The following ARMC2 variants were observed in gnomAD, a reference collection of about 807,000 sequenced individuals.
The protein encoded by ARMC2 is armadillo repeat containing 2.
ARMC2 carries 67 observed loss-of-function variants against 90.3 expected under a neutral mutation model. The observed-to-expected ratio is 0.74, with a 90% CI of 0.61 to 0.91. The LOEUF (loss-of-function observed/expected upper bound fraction) is 0.91. Among genes scored for constraint, ARMC2 ranks in the 40% least tolerant of loss-of-function variants. ARMC2 has a pLI of 0.00. For synonymous variants in ARMC2, 393 were observed against 393.0 expected (o/e 1.00, Z 0.00); for missense variants, 920 against 1,030.9 (o/e 0.89, Z 1.47).
rs67505412 is a variant in ARMC2 at position 108,918,482 on chromosome 6, ATT to A, written c.1350+5937_1350+5938del. The stretch of plus-strand genomic sequence containing the variant: ...ATTAAAAGATGTTTTGATATACTTG[ATT>A]TTTTTTTTTTTTAAATTTCTGAGCC... On this transcript the variant is annotated intron_variant, in intron 10 of 17. Transcript: ENST00000392644. 8.2e-3 allele frequency among the ~76,000 whole-genome samples: 1,205 copies of A among 146,676 alleles called. 15 individuals are homozygous for A. The highest frequency in any genetic ancestry group is 0.029 in the African/African-American group (1,160 of 40,040).
At chr6:109,010,577 T>C in the ARMC2 span, among the ~76,000 whole-genome samples, 1 of 152,364 alleles carries the variant, frequency 6.6e-6, no homozygotes, top group East Asian at 1.9e-4. Flanking sequence ...CAGTGAAAAC[T>C]AAGTTACTCT....
At chr6:108,985,124 T>C in the ARMC2 span, among the ~76,000 whole-genome samples, 7 of 152,172 alleles carry the variant, frequency 4.6e-5, no homozygotes, top group African/African-American at 1.7e-4. Flanking sequence ...TATTCACATA[T>C]ATGAATATGC....
chr6:108,937,175 T>C (rs1435132427), intron 12 of ARMC2, among the ~76,000 whole-genome samples, 176 bp downstream of exon 12: 1 of 152,196 alleles, frequency 6.6e-6, no homozygotes, highest in East Asian at 1.9e-4. Flanking sequence ...GAAGGAGTTA[T>C]ATGAGTCAGA....
downstream of ARMC2, among the ~76,000 whole-genome samples, chr6:108,977,123 G>T (rs1423545508): frequency 6.6e-6 from 1 of 152,208 alleles, no homozygotes; most frequent in Non-Finnish European, 1.5e-5. Flanking sequence ...CATTCAGTAT[G>T]ATATTGCCTG....
intron 4 of ARMC2, among the ~76,000 whole-genome samples, chr6:108,870,609 GAAA>G (rs1199947623): frequency 4.6e-5 from 7 of 151,348 alleles, no homozygotes; most frequent in Non-Finnish European, 8.8e-5. Context: ...AAGAAGGAAA[GAAA>G]AAGAAGAGAG....
At chr6:109,049,760 C>T in the ARMC2 span, among the ~76,000 whole-genome samples, 3 of 150,488 alleles carry the variant, frequency 2.0e-5, no homozygotes, top group East Asian at 3.9e-4. Flanking sequence ...GAAATCATTA[C>T]ATATATATTT....
At chr6:109,048,363 C>A in the ARMC2 span, among the ~76,000 whole-genome samples, 1 of 152,188 alleles carries the variant, frequency 6.6e-6, no homozygotes, top group South Asian at 2.1e-4. Context: ...TTGAGATCTG[C>A]ACCACAGTAT....
chr6:109,035,372 T>G, the ARMC2 span, among the ~76,000 whole-genome samples: 3 of 152,200 alleles, frequency 2.0e-5, no homozygotes, highest in Non-Finnish European at 4.4e-5. Context: ...ATTTGTACAC[T>G]ACACCTCTGT....
intron 17 of ARMC2, among the ~76,000 whole-genome samples, chr6:108,971,219 G>T (rs781719404): frequency 6.6e-6 from 1 of 152,018 alleles, no homozygotes; most frequent in Non-Finnish European, 1.5e-5. Context: ...TCGAAAAAAC[G>T]GAATGAAATC....
Position 108,965,042 on chromosome 6 carries a change from A to G in ARMC2, c.2348A>G (p.Lys783Arg), listed in dbSNP as rs1206998046. 1 of 1,613,726 alleles carries G rather than the reference A, an allele frequency of 6.2e-7. No homozygotes were observed. Among genetic ancestry groups the G allele is most frequent in the South Asian group, 1.1e-5 (1 of 91,074 alleles). ...TDWQLACLVCKTLWNFSENIT... is the reference protein window; with the variant it reads ...TDWQLACLVCRTLWNFSENIT... ...TGGCAGCTGGCCTGCTTGGTTTGTA[A>G]AACTTTATGGAACTTCAGTGAAAAC... is the stretch of plus-strand genomic sequence containing the variant. The change falls in exon 17 of 18, where the codon AAA (lysine) becomes AGA (arginine). Residue 783 changes from lysine to arginine, a missense_variant. Lys to Arg is a conservative substitution (Grantham distance 26). Coordinates refer to ENST00000392644, the MANE Select transcript of ARMC2 (RefSeq NM_032131.6).
intron 10 of ARMC2, among the ~76,000 whole-genome samples, chr6:108,918,569 T>C (rs1774226423): frequency 6.6e-6 from 1 of 152,154 alleles, no homozygotes; most frequent in Non-Finnish European, 1.5e-5. Context: ...TTGTTTGCCG[T>C]TGGGAACCCT....
At chr6:108,883,132 A>G (rs1275324078) in intron 5 of ARMC2, among the ~76,000 whole-genome samples, 1 of 152,200 alleles carries the variant, frequency 6.6e-6, no homozygotes, top group Non-Finnish European at 1.5e-5. Flanking sequence ...ATAAAAGGAG[A>G]AGAAGACAGG....
At chr6:108,924,668 A>G (rs552215693) in intron 10 of ARMC2, among the ~76,000 whole-genome samples, 93 of 151,982 alleles carry the variant, frequency 6.1e-4, no homozygotes, top group Non-Finnish European at 1.2e-3. Flanking sequence ...GGCAAAGGAG[A>G]TGAGTTTGGA....
Position 108,868,882 on chromosome 6 carries a change from AG to A in ARMC2, c.351del (p.Lys117AsnfsTer12). 1 of 1,613,882 alleles carries A rather than the reference AG, an allele frequency of 6.2e-7. No homozygotes were observed. The highest frequency in any genetic ancestry group is 1.7e-5 in the Admixed American group (1 of 60,014). ...GAGGATTCCTGCTTTTCCTTTCCTA[AG>A]CCCCCAGTGGACCCTGCGAAGATTA... The part of the protein sequence containing the change: ...REEDSCFSFP[K>X]PPVDPAKIRR... On this transcript the variant is annotated frameshift_variant, in exon 4 of 18. Coordinates refer to ENST00000392644, the MANE Select transcript of ARMC2 (RefSeq NM_032131.6). LOFTEE classifies it high-confidence loss of function.
chr6:108,953,304 T>A lies in ARMC2; in HGVS notation c.1868T>A (p.Val623Glu). The A allele has an allele frequency of 6.2e-7, 1 of 1,610,358 alleles. No homozygotes were observed. Among genetic ancestry groups the A allele is most frequent in the Non-Finnish European group, 8.5e-7 (1 of 1,179,444 alleles). The stretch of plus-strand genomic sequence containing the variant: ...GCCATCCACCCGGGCGTGGGCCCGG[T>A]GCTGGCCGCCAACCCGGGGATAGTG... ...NIAIHPGVGPVLAANPGIVGL... is the reference protein window; with the variant it reads ...NIAIHPGVGPELAANPGIVGL... The change falls in exon 13 of 18, where the codon GTG (valine) becomes GAG (glutamate). Residue 623 changes from valine (V) to glutamate (E), a missense_variant. By Grantham distance (121) the Val-to-Glu change is moderately radical. Coordinates refer to ENST00000392644, the MANE Select transcript of ARMC2 (RefSeq NM_032131.6).
chr6:108,935,107 C>G (rs150672482), intron 11 of ARMC2, among the ~76,000 whole-genome samples: 1 of 152,288 alleles, frequency 6.6e-6, no homozygotes, highest in East Asian at 1.9e-4. Context: ...CTTTGAACCA[C>G]TGTGTTACCT....
At chr6:108,908,145 G>GT (rs1213419531) in intron 8 of ARMC2, among the ~76,000 whole-genome samples, 1 of 151,956 alleles carries the variant, frequency 6.6e-6, no homozygotes, top group Admixed American at 6.6e-5. Flanking sequence ...TGCTGGGGGG[G>GT]GCCTGAGATT....
intron 12 of ARMC2, 60 bp from the exon 13 acceptor site, chr6:108,952,973 T>C (rs766826946): frequency 7.8e-5 from 110 of 1,418,914 alleles, no homozygotes; most frequent in Non-Finnish European, 9.6e-6. Context: ...TACTATCTTC[T>C]TCCCCACGAT....
At chr6:108,983,039 G>A in the ARMC2 span, among the ~76,000 whole-genome samples, 171 of 151,948 alleles carry the variant, frequency 1.1e-3, 1 homozygote, top group African/African-American at 4.0e-3. Context: ...GGATGGTCTC[G>A]ATCTCCTGAC....
Sources: allele counts gnomAD v4.1 joint callset (sites outside exome capture counted in the v4.1 genomes callset), GRCh38; gene constraint gnomAD v4.1.1; transcripts MANE v1.5; gene names NCBI Gene and HGNC (gene_info 2026-07-23, HGNC 2026-07-21).